Variants in ZNRF3 observed in about 807,000 individuals in gnomAD.
ZNRF3 encodes the protein E3 ubiquitin-protein ligase ZNRF3.
A neutral mutation model predicts 72.5 loss-of-function variants in ZNRF3; 23 were observed. The ratio of observed to expected loss-of-function variants is 0.32; its 90% CI spans 0.23 to 0.45. The LOEUF is 0.45. Ranked by LOEUF, ZNRF3 falls within the 20% of genes least tolerant of loss-of-function variation. The pLI is 1.00. For missense variants in ZNRF3, 1,169 were observed against 1,272.1 expected, an observed-to-expected ratio of 0.92 and a Z score of 1.23; for synonymous variants, 610 against 545.3, an observed-to-expected ratio of 1.12 and a Z score of -1.65.
At chr22:29,024,976 C>CTTTTTTTTTT (rs134554) in intron 2 of ZNRF3, 3 of 110,458 alleles carry the variant, frequency 2.7e-5, no homozygotes, top group Admixed American at 1.1e-4. Flanking sequence ...CCCTGTGCTA[C>CTTTTTTTTTT]TTTTTTTTTT....
chr22:28,896,469 G>T (rs966606980), intron 1 of ZNRF3, among the ~76,000 whole-genome samples: 1 of 152,202 alleles, frequency 6.6e-6, no homozygotes, highest in Non-Finnish European at 1.5e-5. Context: ...TCGCCATGTT[G>T]GCCAGGCTGG....
chr22:29,051,927 G>C (rs1469562834), intron 8 of ZNRF3, among the ~76,000 whole-genome samples: 3 of 148,492 alleles, frequency 2.0e-5, no homozygotes, highest in South Asian at 2.1e-4. Context: ...TGCCCACCCT[G>C]CCCCTTGCAC....
chr22:29,031,436 T>C, intron 2 of ZNRF3: 1 of 229,080 alleles, frequency 4.4e-6, no homozygotes, highest in Non-Finnish European at 7.2e-6. Context: ...TCCTATGGAA[T>C]GAAAAGTTTC....
intron 1 of ZNRF3, among the ~76,000 whole-genome samples, chr22:28,929,556 CTT>C (rs1354290924): frequency 2.0e-5 from 3 of 152,198 alleles, no homozygotes; most frequent in African/African-American, 7.2e-5. Flanking sequence ...TCAGGACTAA[CTT>C]AAATTGAGAT....
At chr22:29,040,631 T>C (rs912516245) in intron 2 of ZNRF3, among the ~76,000 whole-genome samples, 7 of 152,164 alleles carry the variant, frequency 4.6e-5, no homozygotes, top group Admixed American at 1.3e-4. Flanking sequence ...CCTAGCAATC[T>C]GGTGATGAAA....
At chr22:28,981,102 A>G (rs2035755732) in intron 1 of ZNRF3, among the ~76,000 whole-genome samples, 1 of 152,216 alleles carries the variant, frequency 6.6e-6, no homozygotes, top group African/African-American at 2.4e-5. Context: ...TGAATTTTCA[A>G]TGATTAGGCG....
intron 1 of ZNRF3, among the ~76,000 whole-genome samples, chr22:28,925,801 G>A (rs2123773251): frequency 2.0e-5 from 3 of 152,182 alleles, no homozygotes; most frequent in East Asian, 3.9e-4. Flanking sequence ...CTCCTACCTC[G>A]TGATGGGTTT....
intron 2 of ZNRF3, among the ~76,000 whole-genome samples, chr22:28,994,921 A>G (rs1474054153): frequency 6.6e-6 from 1 of 152,238 alleles, no homozygotes; most frequent in Admixed American, 6.5e-5. Context: ...GCAAACCCGC[A>G]TCCCATAGAA....
chr22:28,948,709 C>T (rs2035098280), intron 1 of ZNRF3, among the ~76,000 whole-genome samples: 1 of 152,122 alleles, frequency 6.6e-6, no homozygotes. Flanking sequence ...TATGAGTATT[C>T]TTTGATACTA....
At chr22:28,934,736 T>C (rs1038958131) in intron 1 of ZNRF3, among the ~76,000 whole-genome samples, 1 of 149,770 alleles carries the variant, frequency 6.7e-6, no homozygotes, top group Non-Finnish European at 1.5e-5. Context: ...AAGAATCTCT[T>C]GAACCTGGGA....
chr22:28,911,184 G>GGAA (rs1324424777), intron 1 of ZNRF3, among the ~76,000 whole-genome samples: 1 of 152,186 alleles, frequency 6.6e-6, no homozygotes, highest in African/African-American at 2.4e-5. Context: ...GTGTAAGTGG[G>GGAA]GAAGAAGCAC....
At chr22:28,887,140 G>C (rs993856353) in intron 1 of ZNRF3, among the ~76,000 whole-genome samples, 3 of 152,072 alleles carry the variant, frequency 2.0e-5, no homozygotes, top group Non-Finnish European at 2.9e-5. Flanking sequence ...CTGTTTAGGA[G>C]TGTCACCTTT....
Position 28,994,176 on chromosome 22 carries a change from C to CTTTTTTTTTTTTTTTTTTTTTTTTTTT in ZNRF3, c.426+6976_426+7002dup, listed in dbSNP as rs57329565. Among the ~76,000 whole-genome samples the CTTTTTTTTTTTTTTTTTTTTTTTTTTT allele has an allele frequency of 1.2e-3, 49 of 39,810 alleles. 5 individuals carry two copies. Among genetic ancestry groups the CTTTTTTTTTTTTTTTTTTTTTTTTTTT allele is most frequent in the Admixed American group, 2.3e-3 (6 of 2,560 alleles). The allele number at this position is 39,810 out of a possible 152,430, so 26.1% of individuals were successfully genotyped here. On this transcript the variant is annotated intron_variant, in intron 2 of 8. Transcript: ENST00000544604. ...TCCTTTATTGTCCTTCAGTTCCTTTCTTTTTTTTTTTTTTTTTTTTTTTTT... is the reference window on the plus strand; with the variant it reads ...TCCTTTATTGTCCTTCAGTTCCTTTCTTTTTTTTTTTTTTTTTTTTTTTTTTTTTTTTTTTTTTTTTTTTTTTTTTTT...
intron 1 of ZNRF3, among the ~76,000 whole-genome samples, chr22:28,928,490 CTTTTTTT>C (rs10710766): frequency 5.5e-4 from 44 of 80,602 alleles, no homozygotes; most frequent in East Asian, 7.0e-4. Flanking sequence ...CCAGAAATGT[CTTTTTTT>C]TTTTTTTTTT....
intron 2 of ZNRF3, among the ~76,000 whole-genome samples, chr22:29,007,068 G>T (rs774622901): frequency 6.6e-6 from 1 of 152,212 alleles, no homozygotes; most frequent in Non-Finnish European, 1.5e-5. Context: ...TCCCCGGAGA[G>T]AATTGTTATC....
At chr22:29,014,141 A>G (rs1392635206) in intron 2 of ZNRF3, among the ~76,000 whole-genome samples, 1 of 152,124 alleles carries the variant, frequency 6.6e-6, no homozygotes, top group Non-Finnish European at 1.5e-5. Context: ...CCAAAGTCAC[A>G]CAGCCATTCC....
chr22:29,020,728 C>T (rs990147230), intron 2 of ZNRF3, among the ~76,000 whole-genome samples: 1 of 151,382 alleles, frequency 6.6e-6, no homozygotes, highest in African/African-American at 2.4e-5. Flanking sequence ...CTAACTTACC[C>T]ATTCATCCAG....
At chr22:28,910,789 G>A (rs1010509029) in intron 1 of ZNRF3, among the ~76,000 whole-genome samples, 1 of 152,176 alleles carries the variant, frequency 6.6e-6, no homozygotes, top group African/African-American at 2.4e-5. Flanking sequence ...AGGTCTTGGG[G>A]GTGGACCTCC....
chr22:28,955,128 C>T (rs1354843321), intron 1 of ZNRF3, among the ~76,000 whole-genome samples: 1 of 149,470 alleles, frequency 6.7e-6, no homozygotes, highest in Non-Finnish European at 1.5e-5. Flanking sequence ...GCAGCTTTGA[C>T]CTCCTGGGCT....
Sources: allele counts gnomAD v4.1 joint callset (sites outside exome capture counted in the v4.1 genomes callset), GRCh38; gene constraint gnomAD v4.1.1; transcripts MANE v1.5; gene names NCBI Gene and HGNC (gene_info 2026-07-23, HGNC 2026-07-21).